ST8SIA1: variants seen among roughly 807,000 people sequenced by gnomAD.
The protein encoded by ST8SIA1 is ST8 alpha-N-acetyl-neuraminide alpha-2,8-sialyltransferase 1, also known as alpha-N-acetylneuraminide alpha-2,8-sialyltransferase.
Under a neutral mutation model 35.9 loss-of-function variants are expected in ST8SIA1, and 16 were observed. The ratio of observed to expected loss-of-function variants is 0.45; its 90% CI spans 0.30 to 0.68. The LOEUF (loss-of-function observed/expected upper bound fraction) is 0.68, where lower values mean the gene tolerates loss of function less well. Among genes scored for constraint, ST8SIA1 ranks in the 30% least tolerant of loss-of-function variants. The pLI is 0.09. For synonymous variants in ST8SIA1, 170 were observed against 169.6 expected (o/e 1.00, Z -0.02); for missense variants, 383 against 453.6 (o/e 0.84, Z 1.41).
intron 1 of ST8SIA1, among the ~76,000 whole-genome samples, chr12:22,321,003 GAAGAAAGA>G (rs1555162777): frequency 9.1e-5 from 7 of 76,564 alleles, no homozygotes; most frequent in South Asian, 4.8e-4. Flanking sequence ...AAGAAAGAAA[GAAGAAAGA>G]AAGAAAGAAA....
At chr12:22,325,541 G>A in intron 1 of ST8SIA1, 1 of 697,924 alleles carries the variant, frequency 1.4e-6, no homozygotes, top group East Asian at 2.7e-5. Context: ...CAAACTGTAA[G>A]CCTTGGAACC....
At chr12:22,280,689 T>C (rs1304791516) in intron 2 of ST8SIA1, among the ~76,000 whole-genome samples, 1 of 152,234 alleles carries the variant, frequency 6.6e-6, no homozygotes, top group Non-Finnish European at 1.5e-5. Context: ...AAACAAGACA[T>C]CTTAAAGTTC....
At chr12:22,315,007 G>T (rs2135835724) in intron 1 of ST8SIA1, among the ~76,000 whole-genome samples, 1 of 152,188 alleles carries the variant, frequency 6.6e-6, no homozygotes, top group Admixed American at 6.5e-5. Flanking sequence ...GAATATGCAT[G>T]ACTGTTTCTC....
At chr12:22,333,169 G>C (rs750400097) in intron 1 of ST8SIA1, among the ~76,000 whole-genome samples, 28 of 152,184 alleles carry the variant, frequency 1.8e-4, no homozygotes, top group Non-Finnish European at 2.5e-4. Context: ...GTGATCCTCA[G>C]AGTTCTGATT....
At chr12:22,296,000 G>A (rs1452438055) in intron 1 of ST8SIA1, among the ~76,000 whole-genome samples, 1 of 152,148 alleles carries the variant, frequency 6.6e-6, no homozygotes, top group Non-Finnish European at 1.5e-5. Flanking sequence ...TCTCACATCT[G>A]CTGTTCTTCA....
At chr12:22,248,138 G>C (rs1865626101) in intron 4 of ST8SIA1, among the ~76,000 whole-genome samples, 1 of 152,096 alleles carries the variant, frequency 6.6e-6, no homozygotes, top group Admixed American at 6.6e-5. Flanking sequence ...TATTTTATGG[G>C]AATACTTATG....
At chr12:22,211,704 A>G (rs1865177629) in intron 4 of ST8SIA1, among the ~76,000 whole-genome samples, 1 of 152,038 alleles carries the variant, frequency 6.6e-6, no homozygotes, top group Admixed American at 6.5e-5. Flanking sequence ...GTGATTTTCT[A>G]ATTTACTATT....
At chr12:22,320,493 G>A (rs1408420594) in intron 1 of ST8SIA1, among the ~76,000 whole-genome samples, 1 of 152,108 alleles carries the variant, frequency 6.6e-6, no homozygotes, top group Non-Finnish European at 1.5e-5. Flanking sequence ...GGGAGACAAG[G>A]GCTTTCCCTC....
At chr12:22,285,527 T>G (rs955119325) in intron 2 of ST8SIA1, among the ~76,000 whole-genome samples, 4 of 152,232 alleles carry the variant, frequency 2.6e-5, no homozygotes, top group African/African-American at 9.6e-5. Flanking sequence ...TAAGTATGAA[T>G]CAGCACATTA....
At position 22,313,338 on chromosome 12, in the gene ST8SIA1, T is replaced by TA. The variant is rs2135834382; in HGVS notation, c.236+20658dup. On this transcript the variant is annotated intron_variant, in intron 1 of 4. Coordinates refer to ENST00000396037, the MANE Select transcript of ST8SIA1 (RefSeq NM_003034.4). ...TCAACAACAGTAAAAACAGGTAAGA[T>TA]AAAAGGGCAAGAAAGCTCAGCGCAG... Among the ~76,000 whole-genome samples the TA allele has an allele frequency of 1.3e-5, 2 of 152,176 alleles. 1 individual carries two copies. The highest frequency in any genetic ancestry group is 4.1e-4 in the South Asian group (2 of 4,824).
intron 3 of ST8SIA1, 49 bp downstream of exon 3, chr12:22,255,231 G>A (rs1219707717): frequency 6.8e-7 from 1 of 1,474,208 alleles, no homozygotes; most frequent in Non-Finnish European, 9.5e-7. Context: ...TGGGAGGGGT[G>A]GGGAAAAGGA....
rs747058214 is a variant in ST8SIA1 at position 22,334,197 on chromosome 12, G to C, written c.36C>G (p.Ser12=). 72 of 1,613,584 alleles carry C rather than the reference G, an allele frequency of 4.5e-5. No homozygotes were observed. The highest frequency in any genetic ancestry group is 5.8e-5 in the Non-Finnish European group (69 of 1,179,832). ...SPCGRARRQT[S]RGAMAVLAWK... Reference sequence around the variant, plus strand: ...ACGCCAGTACAGCCATGGCCCCTCTGGACGTTTGTCGCCGGGCCCGCCCGC... The same window carrying C: ...ACGCCAGTACAGCCATGGCCCCTCTCGACGTTTGTCGCCGGGCCCGCCCGC... The change falls in exon 1 of 5, where the codon TCC becomes TCG. Residue 12 remains serine, a synonymous_variant. Coordinates refer to ENST00000396037, the MANE Select transcript of ST8SIA1 (RefSeq NM_003034.4).
intron 4 of ST8SIA1, among the ~76,000 whole-genome samples, chr12:22,230,021 T>C (rs1402694557): frequency 2.0e-5 from 3 of 152,214 alleles, no homozygotes; most frequent in African/African-American, 7.2e-5. Context: ...GATCAAGTAA[T>C]GTAAGTACCG....
chr12:22,313,901 T>C (rs1866483437), intron 1 of ST8SIA1, among the ~76,000 whole-genome samples: 1 of 152,188 alleles, frequency 6.6e-6, no homozygotes, highest in South Asian at 2.1e-4. Flanking sequence ...AAATTTTCAT[T>C]CTTTAAAATG....
Position 22,334,003 on chromosome 12 carries a change from G to T in ST8SIA1, c.230C>A (p.Ala77Glu). The T allele has an allele frequency of 1.2e-6, 2 of 1,613,728 alleles. No homozygotes were observed. Among genetic ancestry groups the T allele is most frequent in the Non-Finnish European group, 1.7e-6 (2 of 1,179,872 alleles). ...AWRRNQTAAR[A>E]FRKQMEDCCD... ...GCCGCGAGGGCAGGAGTACCTGAAC[G>T]CTCTGGCCGCGGTCTGGTTCCTCCT... The change falls in exon 1 of 5, where the codon GCG becomes GAG. Residue 77 changes from alanine (A) to glutamate (E), a missense_variant. Coordinates refer to ENST00000396037, the MANE Select transcript of ST8SIA1 (RefSeq NM_003034.4).
intron 1 of ST8SIA1, among the ~76,000 whole-genome samples, chr12:22,312,122 TTAA>T (rs1432547435): frequency 6.6e-6 from 1 of 152,090 alleles, no homozygotes. Context: ...AGGGTTAACA[TTAA>T]TAAAACCCTC....
intron 4 of ST8SIA1, among the ~76,000 whole-genome samples, chr12:22,240,477 C>T (rs1865526678): frequency 6.6e-6 from 1 of 151,554 alleles, no homozygotes; most frequent in Non-Finnish European, 1.5e-5. Context: ...AAATAGCTAT[C>T]AATGACTTTG....
chr12:22,205,065 G>C (rs1320060464), intron 4 of ST8SIA1, among the ~76,000 whole-genome samples: 1 of 152,132 alleles, frequency 6.6e-6, no homozygotes, highest in Non-Finnish European at 1.5e-5. Context: ...TTGCCCTGGT[G>C]AAGTTGTGCC....
chr12:22,284,351 G>A (rs1258747017), intron 2 of ST8SIA1, among the ~76,000 whole-genome samples: 1 of 152,212 alleles, frequency 6.6e-6, no homozygotes, highest in Non-Finnish European at 1.5e-5. Flanking sequence ...TGAAAACGCT[G>A]AGCCTGGCCC....
Sources: allele counts gnomAD v4.1 joint callset (sites outside exome capture counted in the v4.1 genomes callset), GRCh38; gene constraint gnomAD v4.1.1; transcripts MANE v1.5; gene names NCBI Gene and HGNC (gene_info 2026-07-23, HGNC 2026-07-21).